Variants in AKT3 observed in about 807,000 individuals in gnomAD.
The protein encoded by AKT3 is RAC-gamma serine/threonine-protein kinase.
A neutral mutation model predicts 65.3 loss-of-function variants in AKT3; 15 were observed. The observed-to-expected ratio is 0.23, with a 90% CI of 0.15 to 0.35. AKT3 has a LOEUF of 0.35. Ranked by LOEUF, AKT3 falls within the 10% of genes least tolerant of loss-of-function variation. The pLI is 1.00. For missense variants in AKT3, 243 were observed against 576.5 expected, an observed-to-expected ratio of 0.42 and a Z score of 5.92; for synonymous variants, 206 against 183.8, an observed-to-expected ratio of 1.12 and a Z score of -0.98.
At chr1:243,698,773 A>G (rs1037876221) in intron 2 of AKT3, among the ~76,000 whole-genome samples, 1 of 152,142 alleles carries the variant, frequency 6.6e-6, no homozygotes, top group Non-Finnish European at 1.5e-5. Flanking sequence ...ATACTGTGAT[A>G]CTAAGCCAGA....
chr1:243,504,928 G>A lies in AKT3; in HGVS notation c.*321C>T, dbSNP rs1290258335. The A allele has an allele frequency of 3.2e-6, 1 of 312,848 alleles. No homozygotes were observed. Among genetic ancestry groups the A allele is most frequent in the Non-Finnish European group, 5.8e-6 (1 of 171,070 alleles). The allele number at this position is 312,848 out of a possible 1,614,324, so 19.4% of individuals were successfully genotyped here. A position where few individuals can be genotyped will look rare whatever the true frequency, so the allele number is the denominator to read the frequency against. ...AAAAGATCAAAAGATGATAATTGGTGCACAAATGAACAATGGTGGGCTCAT... is the reference window on the plus strand; with the variant it reads ...AAAAGATCAAAAGATGATAATTGGTACACAAATGAACAATGGTGGGCTCAT... On this transcript the variant is annotated 3_prime_UTR_variant, in exon 14 of 14. Coordinates refer to ENST00000673466, the MANE Select transcript of AKT3 (RefSeq NM_005465.7).
chr1:243,723,062 T>A (rs1049798367), intron 2 of AKT3, among the ~76,000 whole-genome samples: 1 of 152,186 alleles, frequency 6.6e-6, no homozygotes, highest in African/African-American at 2.4e-5. Flanking sequence ...AAATAAATCA[T>A]AAACATTTTT....
chr1:243,802,795 C>A (rs1346385199), intron 2 of AKT3, among the ~76,000 whole-genome samples: 1 of 152,068 alleles, frequency 6.6e-6, no homozygotes. Flanking sequence ...GACTAAAACC[C>A]AGGACTTCAT....
rs535144076 is a variant in AKT3, at chr1:243,490,286, G to C, written c.*7-1836C>G. Among the ~76,000 whole-genome samples, 7 of 152,312 alleles carry C rather than the reference G, an allele frequency of 4.6e-5. No homozygotes were observed. In the East Asian group the frequency reaches 1.2e-3, roughly 25 times the overall value. ...GCCTGGAGGTGGAAATGCCTCTACTGTCCCCATGCTTCTGAGACTGCTCCC... is the reference window on the plus strand; with the variant it reads ...GCCTGGAGGTGGAAATGCCTCTACTCTCCCCATGCTTCTGAGACTGCTCCC... On this transcript the variant is annotated intron_variant, in intron 13 of 13. Transcript: ENST00000336199.
At chr1:243,806,606 G>A (rs1692741509) in intron 2 of AKT3, among the ~76,000 whole-genome samples, 2 of 152,158 alleles carry the variant, frequency 1.3e-5, no homozygotes, top group Non-Finnish European at 2.9e-5. Flanking sequence ...AACTTTTAAT[G>A]TTAAGTACAT....
At chr1:243,556,974 A>T (rs1033508551) in intron 10 of AKT3, among the ~76,000 whole-genome samples, 1 of 152,152 alleles carries the variant, frequency 6.6e-6, no homozygotes, top group African/African-American at 2.4e-5. Context: ...TTCTTAAGTG[A>T]CAGCAACTGT....
intron 8 of AKT3, among the ~76,000 whole-genome samples, chr1:243,584,153 A>C (rs1354319605): frequency 1.3e-5 from 2 of 152,144 alleles, no homozygotes; most frequent in African/African-American, 4.8e-5. Context: ...AACTTATCCC[A>C]CAGGAATACG....
At position 243,501,067 on chromosome 1, in the gene AKT3, G is replaced by C. The variant is rs1669251214; in HGVS notation, c.*4182C>G. On this transcript the variant is annotated 3_prime_UTR_variant, in exon 14 of 14. Coordinates refer to ENST00000673466, the MANE Select transcript of AKT3 (RefSeq NM_005465.7). ...GTGGTTTTGAGAGAAGAGCACATGT[G>C]AGAATGCCCTCAAATTTGGCCGTGT... The C allele has an allele frequency of 4.3e-6, 1 of 230,766 alleles. No homozygotes were observed. The highest frequency in any genetic ancestry group is 8.6e-6 in the Non-Finnish European group (1 of 116,656). 14.3% of individuals were successfully genotyped at this position (230,766 alleles called of 1,614,324 possible). A position where few individuals can be genotyped will look rare whatever the true frequency, so the allele number is the denominator to read the frequency against.
intron 1 of AKT3, among the ~76,000 whole-genome samples, chr1:243,847,032 G>A (rs1358233022): frequency 6.6e-6 from 1 of 152,180 alleles, no homozygotes; most frequent in Non-Finnish European, 1.5e-5. Context: ...TCAGGACAAA[G>A]TATTTGTTGT....
At chr1:243,516,784 A>G (rs1005431659) in intron 12 of AKT3, among the ~76,000 whole-genome samples, 3 of 152,050 alleles carry the variant, frequency 2.0e-5, no homozygotes, top group African/African-American at 7.2e-5. Context: ...ATATTTTGTT[A>G]TTTAGAGATG....
At chr1:243,829,907 G>A (rs974018029) in intron 2 of AKT3, among the ~76,000 whole-genome samples, 1 of 152,228 alleles carries the variant, frequency 6.6e-6, no homozygotes, top group African/African-American at 2.4e-5. Flanking sequence ...CAGACTATGA[G>A]AAGAGGCTAA....
chr1:243,710,454 C>T (rs1026241993), intron 2 of AKT3, among the ~76,000 whole-genome samples: 1 of 152,038 alleles, frequency 6.6e-6, no homozygotes, highest in Admixed American at 6.6e-5. Context: ...CAAAAGTGAG[C>T]GTTATTTTTC....
rs1339821201 is a variant in AKT3, at chr1:243,688,999, T to TC, written c.172+6591_172+6592insG. Reference sequence around the variant, plus strand: ...AAATCCTCTTCTTCAGGGCTCATGTTAACCCCATCTCCTGAGTAAATTCTC... The same window carrying TC: ...AAATCCTCTTCTTCAGGGCTCATGTTCAACCCCATCTCCTGAGTAAATTCTC... On this transcript the variant is annotated intron_variant, in intron 3 of 13. Coordinates refer to ENST00000673466, the MANE Select transcript of AKT3 (RefSeq NM_005465.7). Among the ~76,000 whole-genome samples, 16 of 152,306 alleles carry TC rather than the reference T, an allele frequency of 1.1e-4. No homozygotes were observed. The South Asian group carries it at 2.3e-3, about 22-fold the overall frequency.
rs145906932 is a variant in AKT3 at position 243,815,776 on chromosome 1, A to AGTT, written c.46+27346_46+27348dup. Among the ~76,000 whole-genome samples, 1,116 of 147,298 alleles carry AGTT rather than the reference A, an allele frequency of 7.6e-3. 11 individuals are homozygous for AGTT. Among genetic ancestry groups the AGTT allele is most frequent in the South Asian group, 0.013 (58 of 4,496 alleles). On this transcript the variant is annotated intron_variant, in intron 2 of 13. Transcript: ENST00000673466. Reference sequence around the variant, plus strand: ...CAGGTGTGCACCACCACACCCAGCTAGTTGTTGTTGTTGTTGTTGTTGTAG... The same window carrying AGTT: ...CAGGTGTGCACCACCACACCCAGCTAGTTGTTGTTGTTGTTGTTGTTGTTGTAG...
chr1:243,693,531 C>A (rs1455515965), intron 3 of AKT3, among the ~76,000 whole-genome samples: 1 of 151,704 alleles, frequency 6.6e-6, no homozygotes, highest in African/African-American at 2.4e-5. Flanking sequence ...AAGTCCACCC[C>A]ACAGAATCAC....
chr1:243,749,042 C>G (rs1572272978), intron 2 of AKT3, among the ~76,000 whole-genome samples: 1 of 152,192 alleles, frequency 6.6e-6, no homozygotes, highest in Non-Finnish European at 1.5e-5. Flanking sequence ...GAACTTCCTC[C>G]TTCCTTTTCC....
At chr1:243,822,886 T>C (rs1450892058) in intron 2 of AKT3, among the ~76,000 whole-genome samples, 1 of 152,172 alleles carries the variant, frequency 6.6e-6, no homozygotes, top group African/African-American at 2.4e-5. Flanking sequence ...TCTGAAACTA[T>C]TCCCAACAAT....
chr1:243,811,590 T>C (rs1357920479), intron 2 of AKT3, among the ~76,000 whole-genome samples: 1 of 152,172 alleles, frequency 6.6e-6, no homozygotes, highest in Non-Finnish European at 1.5e-5. Context: ...AAAATGGCCA[T>C]ACTGCCCAAG....
chr1:243,684,129 T>C (rs1351414984), intron 3 of AKT3, among the ~76,000 whole-genome samples: 1 of 152,092 alleles, frequency 6.6e-6, no homozygotes, highest in African/African-American at 2.4e-5. Flanking sequence ...TATATGTTAA[T>C]TGAATACTTT....
Sources: allele counts gnomAD v4.1 joint callset (sites outside exome capture counted in the v4.1 genomes callset), GRCh38; gene constraint gnomAD v4.1.1; transcripts MANE v1.5; gene names NCBI Gene and HGNC (gene_info 2026-07-23, HGNC 2026-07-21).